The following RALGAPA2 variants were observed in gnomAD, a reference collection of about 807,000 sequenced individuals.
RALGAPA2 encodes the protein ral GTPase-activating protein subunit alpha-2.
RALGAPA2 carries 139 observed loss-of-function variants against 230.4 expected under a neutral mutation model. The ratio of observed to expected loss-of-function variants is 0.60; its 90% CI spans 0.53 to 0.69. The LOEUF is 0.69. Among genes scored for constraint, RALGAPA2 ranks in the 30% least tolerant of loss-of-function variants. RALGAPA2 has a pLI of 0.00. For synonymous variants in RALGAPA2, 847 were observed against 837.8 expected, an observed-to-expected ratio of 1.01 and a Z score of -0.19; for missense variants, 2,163 against 2,276.0, an observed-to-expected ratio of 0.95 and a Z score of 1.01.
chr20:20,661,724 G>A (rs1055554086), intron 3 of RALGAPA2, among the ~76,000 whole-genome samples: 10 of 152,024 alleles, frequency 6.6e-5, no homozygotes, highest in African/African-American at 1.7e-4. Flanking sequence ...TTCCCCTACC[G>A]AAGACCAAGT....
chr20:20,707,895 C>T (rs2069671281), intron 1 of RALGAPA2, among the ~76,000 whole-genome samples: 1 of 152,114 alleles, frequency 6.6e-6, no homozygotes, highest in Admixed American at 6.5e-5. Context: ...CCATCACTGT[C>T]ATGTTACTTC....
intron 20 of RALGAPA2, among the ~76,000 whole-genome samples, chr20:20,576,640 G>A (rs1376998542): frequency 2.0e-5 from 3 of 152,012 alleles, no homozygotes; most frequent in Non-Finnish European, 4.4e-5. Context: ...TACTGACCTT[G>A]TGTGGTTTGT....
intron 23 of RALGAPA2, among the ~76,000 whole-genome samples, chr20:20,547,602 C>T (rs546357298): frequency 4.6e-5 from 7 of 152,320 alleles, no homozygotes; most frequent in African/African-American, 1.4e-4. Context: ...TTCATGCCAT[C>T]CATGGCCAGG....
intron 37 of RALGAPA2, among the ~76,000 whole-genome samples, chr20:20,444,441 T>G (rs1363396974): frequency 6.6e-6 from 1 of 151,890 alleles, no homozygotes; most frequent in African/African-American, 2.4e-5. Flanking sequence ...AAACTTTTTA[T>G]TGACAAATAC....
chr20:20,625,677 TG>T (rs2066469591), intron 10 of RALGAPA2, among the ~76,000 whole-genome samples: 1 of 152,216 alleles, frequency 6.6e-6, no homozygotes, highest in Non-Finnish European at 1.5e-5. Flanking sequence ...TATTTTATTC[TG>T]TTTCATTGTT....
chr20:20,506,329 G>A (rs2062532765), intron 33 of RALGAPA2, among the ~76,000 whole-genome samples: 1 of 152,156 alleles, frequency 6.6e-6, no homozygotes, highest in African/African-American at 2.4e-5. Flanking sequence ...TATAGTAGGT[G>A]TTCAGTTAAG....
chr20:20,421,917 T>C (rs971264822), intron 37 of RALGAPA2, among the ~76,000 whole-genome samples: 2 of 152,172 alleles, frequency 1.3e-5, no homozygotes, highest in African/African-American at 4.8e-5. Flanking sequence ...AAACAAAATG[T>C]AATATAACAT....
At chr20:20,624,268 A>G (rs964942643) in intron 10 of RALGAPA2, among the ~76,000 whole-genome samples, 1 of 150,618 alleles carries the variant, frequency 6.6e-6, no homozygotes, top group Non-Finnish European at 1.5e-5. Flanking sequence ...TGGAGGTTGC[A>G]ATGAGCCAAG....
intron 26 of RALGAPA2, 36 bp from the exon 27 acceptor site, chr20:20,531,831 T>A: frequency 7.0e-7 from 1 of 1,426,728 alleles, no homozygotes; most frequent in Non-Finnish European, 9.6e-7. Context: ...AAAACTCTCA[T>A]GAAACTTAAT....
chr20:20,537,684 G>A (rs2063534062), intron 24 of RALGAPA2, among the ~76,000 whole-genome samples: 1 of 151,110 alleles, frequency 6.6e-6, no homozygotes, highest in African/African-American at 2.4e-5. Context: ...AGCAGATATG[G>A]TTAGCCAAGA....
At chr20:20,497,322 G>T (rs2062237654) in intron 35 of RALGAPA2, among the ~76,000 whole-genome samples, 1 of 152,134 alleles carries the variant, frequency 6.6e-6, no homozygotes, top group African/African-American at 2.4e-5. Flanking sequence ...CCTAATATAG[G>T]TATGTTTTCG....
chr20:20,605,485 T>A, intron 14 of RALGAPA2, 73 bp from the exon 15 acceptor site: 2 of 1,112,448 alleles, frequency 1.8e-6, no homozygotes, highest in South Asian at 1.5e-5. Context: ...ACAAAATGTT[T>A]TAAATTACTA....
At chr20:20,673,597 T>C (rs1257182046) in intron 3 of RALGAPA2, among the ~76,000 whole-genome samples, 3 of 151,764 alleles carry the variant, frequency 2.0e-5, no homozygotes, top group East Asian at 1.9e-4. Flanking sequence ...CCAGAAAATA[T>C]GAATAATACT....
At chr20:20,506,048 T>C (rs1371382762) in intron 33 of RALGAPA2, among the ~76,000 whole-genome samples, 1 of 152,208 alleles carries the variant, frequency 6.6e-6, no homozygotes, top group East Asian at 1.9e-4. Flanking sequence ...GCCACGATTT[T>C]ATGAGAAAAA....
chr20:20,436,360 T>C (rs945385623), intron 37 of RALGAPA2, among the ~76,000 whole-genome samples: 1 of 152,258 alleles, frequency 6.6e-6, no homozygotes, highest in South Asian at 2.1e-4. Flanking sequence ...AAGATTTCAG[T>C]CTATTTAAAT....
chr20:20,428,425 T>C (rs933119217), intron 37 of RALGAPA2, among the ~76,000 whole-genome samples: 5 of 152,226 alleles, frequency 3.3e-5, no homozygotes, highest in African/African-American at 1.2e-4. Context: ...CAAATTGAAT[T>C]CGGTACGTCT....
chr20:20,607,055 C>T (rs1025613114), intron 14 of RALGAPA2, among the ~76,000 whole-genome samples: 3 of 152,156 alleles, frequency 2.0e-5, no homozygotes, highest in African/African-American at 7.2e-5. Flanking sequence ...GTTAAGATAC[C>T]AGCTTGCATG....
At chr20:20,521,199 C>T in intron 30 of RALGAPA2, 99 bp from the exon 31 acceptor site, 1 of 997,366 alleles carries the variant, frequency 1.0e-6, no homozygotes, top group Non-Finnish European at 1.5e-6. Context: ...AGGACTCCTG[C>T]TTGGTCCTAG....
At chr20:20,457,603 C>T (rs1004570467) in intron 37 of RALGAPA2, among the ~76,000 whole-genome samples, 7 of 152,212 alleles carry the variant, frequency 4.6e-5, no homozygotes, top group Admixed American at 6.5e-5. Context: ...ACCTGGAAAA[C>T]ACCCGCATGG....
Sources: allele counts gnomAD v4.1 joint callset (sites outside exome capture counted in the v4.1 genomes callset), GRCh38; gene constraint gnomAD v4.1.1; transcripts MANE v1.5; gene names NCBI Gene and HGNC (gene_info 2026-07-23, HGNC 2026-07-21).